FAM20C: variants seen among roughly 807,000 people sequenced by gnomAD.
FAM20C encodes the protein FAM20C golgi associated secretory pathway kinase.
Under a neutral mutation model 51.5 loss-of-function variants are expected in FAM20C, and 40 were observed. The observed-to-expected ratio is 0.78, with a 90% CI of 0.60 to 1.01. The LOEUF (loss-of-function observed/expected upper bound fraction) is 1.01. Ranked by LOEUF, FAM20C falls within the 50% of genes least tolerant of loss-of-function variation. The pLI, the probability that FAM20C is intolerant of heterozygous loss-of-function variation, is 0.00. For missense variants in FAM20C, 861 were observed against 844.7 expected (o/e 1.02, Z -0.24); for synonymous variants, 406 against 380.6 (o/e 1.07, Z -0.78).
At chr7:222,882 G>GGT (rs59750458) in intron 3 of FAM20C, among the ~76,000 whole-genome samples, 2 of 151,820 alleles carry the variant, frequency 1.3e-5, no homozygotes, top group Non-Finnish European at 2.9e-5. Flanking sequence ...GTGCGTGTGT[G>GGT]ACGTGTACAT....
intron 7 of FAM20C, 75 bp downstream of exon 7, chr7:256,838 G>GCA: frequency 6.8e-7 from 1 of 1,463,074 alleles, no homozygotes; most frequent in East Asian, 2.5e-5. Context: ...GCTCTGCAGG[G>GCA]CACACTCCGT....
intron 5 of FAM20C, among the ~76,000 whole-genome samples, chr7:254,380 G>A (rs1037176564): frequency 7.9e-5 from 12 of 152,222 alleles, no homozygotes; most frequent in Non-Finnish European, 1.8e-4. Flanking sequence ...AGTGAGGTTC[G>A]GGGCTCCGGC....
Position 192,686 on chromosome 7 carries a change from C to T in FAM20C, c.-514C>T, listed in dbSNP as rs912198337. ...CCCTTCGCCCCCCCCTTCCCCCCAG[C>T]CCCGGTCTCCCGGGCGCGGCGTGAG... On this transcript the variant is annotated 5_prime_UTR_variant, in exon 1 of 10. Coordinates refer to ENST00000313766, the MANE Select transcript of FAM20C (RefSeq NM_020223.4). Among the ~76,000 whole-genome samples, 22 of 149,206 alleles carry T rather than the reference C, an allele frequency of 1.5e-4. No individual in the cohort carries two copies. Among genetic ancestry groups the T allele is most frequent in the Non-Finnish European group, 2.1e-4 (14 of 66,792 alleles).
In FAM20C at chr7:260,134, C is replaced by A; in HGVS notation, c.*154C>A. 9.7e-7 allele frequency: 1 copy of A among 1,029,890 alleles called. No individual in the cohort carries two copies. The highest frequency in any genetic ancestry group is 1.3e-6 in the Non-Finnish European group (1 of 752,254). The allele number at this position is 1,029,890 out of a possible 1,614,324, so 63.8% of individuals were successfully genotyped here. On this transcript the variant is annotated 3_prime_UTR_variant, in exon 10 of 10. Transcript: ENST00000313766. ...CCACAGGAGGCGAGGCTCCCCAGGT[C>A]TCATAGGACACATTTTGTCAGTGTT...
chr7:227,081 C>T (rs1266509000), intron 3 of FAM20C, among the ~76,000 whole-genome samples: 1 of 151,994 alleles, frequency 6.6e-6, no homozygotes. Context: ...CGTGGGGTCT[C>T]CTGGAAAAGA....
rs1032397820 is a variant in FAM20C at position 259,637 on chromosome 7, C to G, written c.1506-94C>G. Reference sequence around the variant, plus strand: ...CTCTTTCTCTCTCTGTCTCTCCCCCCACTCTCTCGATCTCCCTCTCACTTT... The same window carrying G: ...CTCTTTCTCTCTCTGTCTCTCCCCCGACTCTCTCGATCTCCCTCTCACTTT... On this transcript the variant is annotated intron_variant, in intron 9 of 9. Coordinates refer to ENST00000313766, the MANE Select transcript of FAM20C (RefSeq NM_020223.4). The G allele has an allele frequency of 3.4e-5, 43 of 1,248,714 alleles. No individual in the cohort carries two copies. In the African/African-American group the frequency reaches 1.1e-3, roughly 33 times the overall value. 77.4% of individuals were successfully genotyped at this position (1,248,714 alleles called of 1,614,324 possible). A position where few individuals can be genotyped will look rare whatever the true frequency, so the allele number is the denominator to read the frequency against.
At chr7:229,776 C>T (rs1375565280) in intron 3 of FAM20C, among the ~76,000 whole-genome samples, 2 of 152,132 alleles carry the variant, frequency 1.3e-5, no homozygotes, top group Non-Finnish European at 2.9e-5. Context: ...TAATATATCT[C>T]GCTAATGACA....
chr7:194,383 T>G (rs1389090801), intron 1 of FAM20C, among the ~76,000 whole-genome samples: 1 of 151,886 alleles, frequency 6.6e-6, no homozygotes, highest in Non-Finnish European at 1.5e-5. Flanking sequence ...GAACCTCTCT[T>G]TAAACTGTCC....
chr7:256,847 G>A (rs536782006), intron 7 of FAM20C, 84 bp downstream of exon 7: 115 of 1,448,944 alleles, frequency 7.9e-5, no homozygotes, highest in South Asian at 5.1e-4. Context: ...GGCACACTCC[G>A]TGGCACGGCC....
rs1350139550 is a variant in FAM20C at position 259,968 on chromosome 7, C to G, written c.1743C>G (p.Ala581=). The change falls in exon 10 of 10, where the codon GCC becomes GCG. Residue 581 remains alanine (A), a synonymous_variant. Coordinates refer to ENST00000313766, the MANE Select transcript of FAM20C (RefSeq NM_020223.4). ...DDDLDTEHRA[A]SAR is the part of the protein sequence containing the mutation. The stretch of plus-strand genomic sequence containing the variant: ...ACCTGGACACTGAGCACAGAGCCGC[C>G]TCGGCGAGGTAGTGTCCGCCGGCCG... 2 of 1,515,908 alleles carry G rather than the reference C, an allele frequency of 1.3e-6. No individual in the cohort carries two copies. 93.9% of individuals were successfully genotyped at this position (1,515,908 alleles called of 1,614,324 possible).
intron 3 of FAM20C, among the ~76,000 whole-genome samples, chr7:236,632 G>A (rs1223717480): frequency 1.3e-5 from 2 of 152,342 alleles, no homozygotes; most frequent in Admixed American, 1.3e-4. Flanking sequence ...CATGGGCCAA[G>A]GGACATCTCA....
At chr7:232,817 T>C (rs1459495262) in intron 3 of FAM20C, among the ~76,000 whole-genome samples, 2 of 152,176 alleles carry the variant, frequency 1.3e-5, no homozygotes. Context: ...CCCGGCGTGG[T>C]GTCCCTCCCG....
At chr7:213,356 G>A (rs1786819590) in intron 3 of FAM20C, among the ~76,000 whole-genome samples, 1 of 152,196 alleles carries the variant, frequency 6.6e-6, no homozygotes, top group South Asian at 2.1e-4. Flanking sequence ...GCAGTGTGTA[G>A]TCCTTTGTGA....
At chr7:232,111 C>T (rs1485751018) in intron 3 of FAM20C, among the ~76,000 whole-genome samples, 6 of 152,250 alleles carry the variant, frequency 3.9e-5, no homozygotes, top group Non-Finnish European at 7.3e-5. Context: ...TTTCCCTGCT[C>T]GGCCGCCGGC....
rs866634554 is a variant in FAM20C at position 246,678 on chromosome 7, G to C, written c.956+171G>C. Among the ~76,000 whole-genome samples the C allele has an allele frequency of 4.8e-4, 34 of 70,318 alleles. 2 individuals are homozygous for C. Among genetic ancestry groups the C allele is most frequent in the African/African-American group, 1.1e-3 (32 of 29,100 alleles). 46.1% of individuals were successfully genotyped at this position (70,318 alleles called of 152,430 possible). A position where few individuals can be genotyped will look rare whatever the true frequency, so the allele number is the denominator to read the frequency against. On this transcript the variant is annotated intron_variant, in intron 4 of 9. Coordinates refer to ENST00000313766, the MANE Select transcript of FAM20C (RefSeq NM_020223.4). ...CGAGTGCTGCCCTGAGCAGGGTCCT[G>C]TATGTCATCGTCACCTTTGTCACCA...
At chr7:246,188 A>C in intron 3 of FAM20C, 1 of 492,132 alleles carries the variant, frequency 2.0e-6, no homozygotes, top group Non-Finnish European at 3.7e-6. Context: ...CAGCTGGGTC[A>C]GGGCCACGGG....
chr7:201,901 G>A (rs62428652), intron 2 of FAM20C, among the ~76,000 whole-genome samples: 8,444 of 152,282 alleles, frequency 0.055, 310 homozygotes, highest in Non-Finnish European at 0.086. Flanking sequence ...CACTCTGTTC[G>A]TGCATGTTAA....
At chr7:220,576 T>C (rs1787216606) in intron 3 of FAM20C, among the ~76,000 whole-genome samples, 1 of 152,136 alleles carries the variant, frequency 6.6e-6, no homozygotes, top group Admixed American at 6.5e-5. Flanking sequence ...GCATGACCTC[T>C]GTGTAGGCAC....
intron 6 of FAM20C, 143 bp downstream of exon 6, chr7:256,172 G>T: frequency 1.9e-6 from 2 of 1,067,668 alleles, no homozygotes; most frequent in Non-Finnish European, 2.6e-6. Context: ...TGTGTGAGAT[G>T]ACCGCTTCCT....
Sources: gnomAD v4.1 joint callset for allele counts (sites outside exome capture counted in the v4.1 genomes callset) on GRCh38, gnomAD v4.1.1 for gene constraint, MANE v1.5 for transcripts, NCBI Gene and HGNC (gene_info 2026-07-23, HGNC 2026-07-21) for gene names.